The following DCC variants were observed in gnomAD, a reference collection of about 807,000 sequenced individuals.
DCC encodes DCC netrin 1 receptor.
A neutral mutation model predicts 172.5 loss-of-function variants in DCC; 58 were observed. That is an observed-to-expected ratio of 0.34 (90% CI 0.27 to 0.42). The LOEUF is 0.42. Among genes scored for constraint, DCC ranks in the 10% least tolerant of loss-of-function variants. The probability of loss-of-function intolerance (pLI) is 1.00; values close to 1 mark genes in which losing one functional copy is unlikely to be tolerated. For missense variants in DCC, 1,740 were observed against 1,791.0 expected (o/e 0.97, Z 0.51); for synonymous variants, 709 against 644.5 (o/e 1.10, Z -1.52).
At chr18:52,612,322 C>G (rs62083420) in intron 1 of DCC, among the ~76,000 whole-genome samples, 37,320 of 151,944 alleles carry the variant, frequency 0.25, 5,163 homozygotes, top group Middle Eastern at 0.34. Flanking sequence ...GCCAACATGC[C>G]CAATTAATCA....
At chr18:52,766,400 T>C (rs2037253414) in intron 2 of DCC, among the ~76,000 whole-genome samples, 1 of 152,280 alleles carries the variant, frequency 6.6e-6, no homozygotes, top group African/African-American at 2.4e-5. Context: ...AAAGAGCCAG[T>C]GTGACAGCCT....
At chr18:53,352,680 A>G (rs897433967) in intron 15 of DCC, among the ~76,000 whole-genome samples, 2 of 152,098 alleles carry the variant, frequency 1.3e-5, no homozygotes, top group Admixed American at 6.6e-5. Context: ...CAATCTGTCA[A>G]TCTCTGACTT....
intron 12 of DCC, among the ~76,000 whole-genome samples, chr18:53,246,705 A>AT (rs2056369255): frequency 6.6e-6 from 1 of 152,080 alleles, no homozygotes; most frequent in South Asian, 2.1e-4. Context: ...CCAAAGCAGG[A>AT]TTTTTATATA....
chr18:53,114,437 T>TG (rs1457661869), intron 7 of DCC, among the ~76,000 whole-genome samples: 2 of 151,630 alleles, frequency 1.3e-5, no homozygotes, highest in Non-Finnish European at 3.0e-5. Flanking sequence ...AAAAAAGTAA[T>TG]AGAGTATCTC....
intron 2 of DCC, among the ~76,000 whole-genome samples, chr18:52,801,227 A>G (rs555877176): frequency 4.7e-4 from 72 of 152,298 alleles, no homozygotes; most frequent in African/African-American, 1.6e-3. Context: ...AGAGGTTACT[A>G]CCATTTTTAG....
At chr18:52,883,390 GTGAGA>G in intron 2 of DCC, among the ~76,000 whole-genome samples, 1 of 79,426 alleles carries the variant, frequency 1.3e-5, no homozygotes, top group South Asian at 4.7e-4. Flanking sequence ...GTGTGTGTGT[GTGAGA>G]TCTCTTTCTG....
chr18:52,526,627 A>G (rs2031988588), intron 1 of DCC, among the ~76,000 whole-genome samples: 1 of 152,128 alleles, frequency 6.6e-6, no homozygotes, highest in Non-Finnish European at 1.5e-5. Flanking sequence ...ACTTCATGAG[A>G]CTTCAAAGAA....
chr18:52,771,773 A>G (rs9961086), intron 2 of DCC, among the ~76,000 whole-genome samples: 16,547 of 150,602 alleles, frequency 0.11, 3,021 homozygotes, highest in African/African-American at 0.38. Context: ...CCCTCCACAC[A>G]CCTTCTCTCT....
At chr18:52,928,939 G>A (rs2040259972) in intron 5 of DCC, among the ~76,000 whole-genome samples, 1 of 152,082 alleles carries the variant, frequency 6.6e-6, no homozygotes, top group Non-Finnish European at 1.5e-5. Flanking sequence ...GAGAGCACTT[G>A]CTCTCTTTGG....
At chr18:53,125,626 A>G (rs1261167570) in intron 7 of DCC, among the ~76,000 whole-genome samples, 1 of 152,120 alleles carries the variant, frequency 6.6e-6, no homozygotes, top group African/African-American at 2.4e-5. Context: ...ACATTAAACA[A>G]ATGGTTCCAT....
At chr18:52,442,988 T>G (rs1988015204) in intron 1 of DCC, among the ~76,000 whole-genome samples, 1 of 150,946 alleles carries the variant, frequency 6.6e-6, no homozygotes, top group Non-Finnish European at 1.5e-5. Flanking sequence ...GGCCCAAGAT[T>G]CCTTAACTTT....
chr18:52,930,883 T>C (rs1216169027), intron 5 of DCC, among the ~76,000 whole-genome samples: 1 of 152,174 alleles, frequency 6.6e-6, no homozygotes, highest in Admixed American at 6.6e-5. Flanking sequence ...TACATTTTTA[T>C]TCTATGAACC....
At chr18:52,594,169 C>T (rs2033860672) in intron 1 of DCC, among the ~76,000 whole-genome samples, 3 of 152,168 alleles carry the variant, frequency 2.0e-5, no homozygotes, top group Admixed American at 1.3e-4. Context: ...AAGGGCACCC[C>T]CCTGGATGGA....
chr18:53,269,091 CGTGTGTGT>C (rs140352533), intron 12 of DCC, among the ~76,000 whole-genome samples: 1 of 149,344 alleles, frequency 6.7e-6, no homozygotes, highest in African/African-American at 2.4e-5. Context: ...GATGTGTGTG[CGTGTGTGT>C]GTGTGTGTGT....
chr18:52,435,671 C>A (rs1011853706), intron 1 of DCC, among the ~76,000 whole-genome samples: 1 of 152,180 alleles, frequency 6.6e-6, no homozygotes, highest in Admixed American at 6.5e-5. Flanking sequence ...AGGCTGCCAG[C>A]CGCCCTTGAG....
At chr18:53,266,584 T>G (rs2056677780) in intron 12 of DCC, among the ~76,000 whole-genome samples, 1 of 152,140 alleles carries the variant, frequency 6.6e-6, no homozygotes, top group African/African-American at 2.4e-5. Context: ...ATTCACTCTT[T>G]TAATGTGTGC....
intron 2 of DCC, among the ~76,000 whole-genome samples, chr18:52,853,246 G>C (rs556718013): frequency 6.6e-6 from 1 of 152,228 alleles, no homozygotes; most frequent in African/African-American, 2.4e-5. Flanking sequence ...TTAGTGCCTG[G>C]CACAGAGCTG....
intron 1 of DCC, among the ~76,000 whole-genome samples, chr18:52,545,721 G>A (rs2032592753): frequency 6.6e-6 from 1 of 152,124 alleles, no homozygotes; most frequent in African/African-American, 2.4e-5. Flanking sequence ...CAGCTTCATG[G>A]GAAGATTATT....
intron 7 of DCC, among the ~76,000 whole-genome samples, chr18:53,150,351 C>T (rs558271440): frequency 7.9e-5 from 12 of 152,206 alleles, no homozygotes; most frequent in Non-Finnish European, 1.6e-4. Context: ...CAGCCAAAGT[C>T]TTAACATAAT....
Sources: allele counts gnomAD v4.1 joint callset (sites outside exome capture counted in the v4.1 genomes callset), GRCh38; gene constraint gnomAD v4.1.1; transcripts MANE v1.5; gene names NCBI Gene and HGNC (gene_info 2026-07-23, HGNC 2026-07-21).